SLC25A23: variants seen among roughly 807,000 people sequenced by gnomAD.
The protein encoded by SLC25A23 is mitochondrial adenyl nucleotide antiporter SLC25A23.
SLC25A23 carries 32 observed loss-of-function variants against 53.9 expected under a neutral mutation model. The observed-to-expected ratio is 0.59, with a 90% CI of 0.45 to 0.80. SLC25A23 has a LOEUF of 0.80. Ranked by LOEUF, SLC25A23 falls within the 30% of genes least tolerant of loss-of-function variation. SLC25A23 has a pLI of 0.00. For synonymous variants in SLC25A23, 275 were observed against 264.5 expected, an observed-to-expected ratio of 1.04 and a Z score of -0.38; for missense variants, 575 against 651.4, an observed-to-expected ratio of 0.88 and a Z score of 1.28.
At chr19:6,453,241 T>G (rs1032930844) in intron 7 of SLC25A23, among the ~76,000 whole-genome samples, 7 of 114,536 alleles carry the variant, frequency 6.1e-5, no homozygotes, top group Admixed American at 5.4e-4. Flanking sequence ...TGATTGAAGT[T>G]TTTTTTTTTT....
At chr19:6,457,019 G>A in intron 3 of SLC25A23, among the ~76,000 whole-genome samples, 1 of 151,846 alleles carries the variant, frequency 6.6e-6, no homozygotes, top group Non-Finnish European at 1.5e-5. Flanking sequence ...GGCTAAGAGA[G>A]GCAACTGGTC....
In SLC25A23 at chr19:6,459,424, G is replaced by C; in HGVS notation, c.156+49C>G. 6.6e-7 allele frequency: 1 copy of C among 1,518,798 alleles called. No individual in the cohort carries two copies. The highest frequency in any genetic ancestry group is 8.8e-7 in the Non-Finnish European group (1 of 1,136,472). The allele number at this position is 1,518,798 out of a possible 1,614,324, so 94.1% of individuals were successfully genotyped here. ...GCCCAGTTCAGGGGCTTGGGTAACC[G>C]GGAGCGGGCGGGGCCGGGAGGGGAG... On this transcript the variant is annotated intron_variant, in intron 1 of 9. Coordinates refer to ENST00000301454, the MANE Select transcript of SLC25A23 (RefSeq NM_024103.3). This position sits in a 1 kb window ranked among gnomAD's most constrained non-coding sequence, Gnocchi z 4.6.
chr19:6,456,788 TC>T (rs1453420465), intron 3 of SLC25A23, among the ~76,000 whole-genome samples: 2 of 152,070 alleles, frequency 1.3e-5, no homozygotes, highest in African/African-American at 4.8e-5. Context: ...CAAGAGATTC[TC>T]CTGCCTCAGC....
rs1208020548 is a variant in SLC25A23, at chr19:6,440,344, G to A, written c.*1631C>T. 1 of 152,314 alleles carries A rather than the reference G, an allele frequency of 6.6e-6. No homozygotes were observed. Among genetic ancestry groups the A allele is most frequent in the African/African-American group, 2.4e-5 (1 of 41,258 alleles). 9.4% of individuals were successfully genotyped at this position (152,314 alleles called of 1,614,324 possible). A position where few individuals can be genotyped will look rare whatever the true frequency, so the allele number is the denominator to read the frequency against. On this transcript the variant is annotated 3_prime_UTR_variant, in exon 10 of 10. Coordinates refer to ENST00000301454, the MANE Select transcript of SLC25A23 (RefSeq NM_024103.3). Reference sequence around the variant, plus strand: ...AGATCTGGAATGAATTTGGGGATTTGGTGGTTTTTTTTTGTTTTTGTTTTT... The same window carrying A: ...AGATCTGGAATGAATTTGGGGATTTAGTGGTTTTTTTTTGTTTTTGTTTTT...
Position 6,459,591 on chromosome 19 carries a change from C to A in SLC25A23, c.38G>T (p.Arg13Leu). 1 of 1,540,332 alleles carries A rather than the reference C, an allele frequency of 6.5e-7. No homozygotes were observed. Among genetic ancestry groups the A allele is most frequent in the Non-Finnish European group, 8.7e-7 (1 of 1,150,418 alleles). Residue 13 changes from arginine (R) to leucine (L), a missense_variant, in exon 1 of 10, where the codon CGC becomes CTC. Physicochemically the swap from Arg to Leu is moderately radical, Grantham distance 102. Transcript: ENST00000301454. This position sits in a 1 kb window ranked among gnomAD's most constrained non-coding sequence, Gnocchi z 4.6. The stretch of plus-strand genomic sequence containing the variant: ...CAGCTCCTCGAACAGGCGACCCCAG[C>A]GCTGCCGCCGCTCCGCGTCGCCCGG... ...GSPGDAERRQRWGRLFEELDS... is the reference protein window; with the variant it reads ...GSPGDAERRQLWGRLFEELDS...
chr19:6,446,408 G>A (rs1378669384), intron 8 of SLC25A23, among the ~76,000 whole-genome samples: 6 of 152,126 alleles, frequency 3.9e-5, no homozygotes, highest in Non-Finnish European at 5.9e-5. Flanking sequence ...GACACTGCCT[G>A]TGGTAGATGC....
Position 6,441,870 on chromosome 19 carries a change from A to C in SLC25A23, c.*105T>G. 9.7e-7 allele frequency: 1 copy of C among 1,034,220 alleles called. No individual in the cohort carries two copies. Among genetic ancestry groups the C allele is most frequent in the Non-Finnish European group, 1.4e-6 (1 of 690,656 alleles). The allele number at this position is 1,034,220 out of a possible 1,614,324, so 64.1% of individuals were successfully genotyped here. A position where few individuals can be genotyped will look rare whatever the true frequency, so the allele number is the denominator to read the frequency against. ...GGAGTCTAGGATCCAGGATCTGGGTACTGGGATCTCGTGGCCAAAGAGTAG... is the reference window on the plus strand; with the variant it reads ...GGAGTCTAGGATCCAGGATCTGGGTCCTGGGATCTCGTGGCCAAAGAGTAG... On this transcript the variant is annotated 3_prime_UTR_variant, in exon 10 of 10. Transcript: ENST00000301454.
At position 6,454,839 on chromosome 19, in the gene SLC25A23, G is replaced by A. The variant is rs138926337; in HGVS notation, c.484-122C>T. The A allele has an allele frequency of 1.4e-3, 1,654 of 1,207,140 alleles. 16 individuals carry two copies. In the African/African-American group the frequency reaches 0.023, roughly 17 times the overall value. 74.8% of individuals were successfully genotyped at this position (1,207,140 alleles called of 1,614,324 possible). On this transcript the variant is annotated intron_variant, in intron 4 of 9. Coordinates refer to ENST00000301454, the MANE Select transcript of SLC25A23 (RefSeq NM_024103.3). The surrounding 1 kb of genome is among the most constrained non-coding windows in gnomAD (Gnocchi z 4.3). The stretch of plus-strand genomic sequence containing the variant: ...ACCCTAGAGTCTGCCAATGACTCTT[G>A]CTTGGAGACCCCAGAAGAGTCCTGT...
chr19:6,452,502 T>C, intron 7 of SLC25A23, 23 bp from the exon 8 acceptor site: 1 of 1,581,690 alleles, frequency 6.3e-7, no homozygotes, highest in Non-Finnish European at 8.6e-7. Context: ...TGGTTATCCC[T>C]GGAAAAGCTG....
At chr19:6,453,107 G>A (rs2092617016) in intron 7 of SLC25A23, among the ~76,000 whole-genome samples, 1 of 152,118 alleles carries the variant, frequency 6.6e-6, no homozygotes, top group African/African-American at 2.4e-5. Context: ...GATGAACGGA[G>A]CACAAGCAGC....
intron 8 of SLC25A23, among the ~76,000 whole-genome samples, chr19:6,448,460 CTGT>C (rs2092538572): frequency 6.6e-6 from 1 of 151,722 alleles, no homozygotes; most frequent in African/African-American, 2.4e-5. Flanking sequence ...TGGCTCATGC[CTGT>C]AATCCCAGCA....
intron 8 of SLC25A23, among the ~76,000 whole-genome samples, chr19:6,451,830 CTTTT>C (rs1222647154): frequency 8.0e-6 from 1 of 124,240 alleles, no homozygotes; most frequent in Non-Finnish European, 1.6e-5. Context: ...CTTTGCCTGC[CTTTT>C]TTTTTTTTTT....
chr19:6,442,553 A>G (rs971370166), intron 9 of SLC25A23, among the ~76,000 whole-genome samples: 2 of 151,540 alleles, frequency 1.3e-5, no homozygotes, highest in Non-Finnish European at 2.9e-5. Context: ...CCCTCCACCC[A>G]CTTTTTGTTT....
chr19:6,442,172 G>T lies in SLC25A23; in HGVS notation c.1223-13C>A. 6.9e-7 allele frequency: 1 copy of T among 1,444,246 alleles called. No individual in the cohort carries two copies. Among genetic ancestry groups the T allele is most frequent in the Non-Finnish European group, 9.1e-7 (1 of 1,093,948 alleles). The allele number at this position is 1,444,246 out of a possible 1,614,324, so 89.5% of individuals were successfully genotyped here. ...CCCTCGATGGAGGCTGGGAGGGGGC[G>T]GGGGGGGCACCAGGTAAGGCCAACG... On this transcript the variant is annotated splice_polypyrimidine_tract_variant and intron_variant, in intron 9 of 9. Transcript: ENST00000301454.
rs2092699678 is a variant in SLC25A23, at chr19:6,457,584, A to G, written c.290T>C (p.Ile97Thr). ...ACTCTGTTGGATCTCAGAGACATCA[A>G]TGTGACCTGGGGAGGGGGCCGGAGG... ...HSLDRNQDGHIDVSEIQQSFR... is the reference protein window; with the variant it reads ...HSLDRNQDGHTDVSEIQQSFR... Residue 97 changes from isoleucine to threonine, a missense_variant, in exon 3 of 10, where the codon ATT becomes ACT. Physicochemically the swap from Ile to Thr is moderately conservative, Grantham distance 89. Coordinates refer to ENST00000301454, the MANE Select transcript of SLC25A23 (RefSeq NM_024103.3). The G allele has an allele frequency of 1.2e-6, 2 of 1,613,956 alleles. No homozygotes were observed. Among genetic ancestry groups the G allele is most frequent in the South Asian group, 1.1e-5 (1 of 91,082 alleles).
intron 4 of SLC25A23, chr19:6,456,038 G>A (rs2092677809): frequency 3.1e-6 from 4 of 1,311,448 alleles, no homozygotes; most frequent in South Asian, 1.2e-5. Flanking sequence ...GTTTTTGAAC[G>A]ATTCTGTTCA....
At chr19:6,440,028 T>C (rs1490914621), downstream of SLC25A23, 1 of 152,140 alleles carries the variant, frequency 6.6e-6, no homozygotes, top group African/African-American at 2.4e-5. Context: ...GGTGGTCCCA[T>C]AGCCACCCAC....
rs923375154 is a variant in SLC25A23 at position 6,444,462 on chromosome 19, C to T, written c.1072-161G>A. On this transcript the variant is annotated intron_variant, in intron 8 of 9. Transcript: ENST00000301454. The stretch of plus-strand genomic sequence containing the variant: ...AGCCCTTTCCCTGCGTCCCCTCACC[C>T]AGTCCTCATCTGGACCCTCTCTGGT... Among the ~76,000 whole-genome samples, 9 of 152,266 alleles carry T rather than the reference C, an allele frequency of 5.9e-5. No individual in the cohort carries two copies. In the East Asian group the frequency reaches 1.7e-3, roughly 29 times the overall value.
At chr19:6,453,509 G>T (rs895539266) in intron 7 of SLC25A23, among the ~76,000 whole-genome samples, 3 of 152,074 alleles carry the variant, frequency 2.0e-5, no homozygotes, top group Non-Finnish European at 4.4e-5. Context: ...CAAAGTGCTG[G>T]GATTACAGGC....
Sources: allele counts gnomAD v4.1 joint callset (sites outside exome capture counted in the v4.1 genomes callset), GRCh38; gene constraint gnomAD v4.1.1; non-coding constraint Gnocchi (gnomAD v3.1); transcripts MANE v1.5; gene names NCBI Gene and HGNC (gene_info 2026-07-23, HGNC 2026-07-21).